The following WWP2 variants were observed in gnomAD, a reference collection of about 807,000 sequenced individuals.
WWP2 encodes the protein NEDD4-like E3 ubiquitin-protein ligase WWP2.
Under a neutral mutation model 121.0 loss-of-function variants are expected in WWP2, and 57 were observed. That is an observed-to-expected ratio of 0.47 (90% CI 0.38 to 0.59). WWP2 has a LOEUF of 0.59. Ranked by LOEUF, WWP2 falls within the 20% of genes least tolerant of loss-of-function variation. WWP2 has a pLI of 0.00. For missense variants in WWP2, 962 were observed against 1,158.9 expected, an observed-to-expected ratio of 0.83 and a Z score of 2.47; for synonymous variants, 449 against 441.3, an observed-to-expected ratio of 1.02 and a Z score of -0.22.
At chr16:69,768,619 T>A (rs2055350334) in intron 1 of WWP2, among the ~76,000 whole-genome samples, 1 of 152,030 alleles carries the variant, frequency 6.6e-6, no homozygotes. Flanking sequence ...TCAAAAATAA[T>A]TAAATAAATA....
chr16:69,785,483 T>C (rs1247599157), intron 1 of WWP2, among the ~76,000 whole-genome samples: 1 of 152,162 alleles, frequency 6.6e-6, no homozygotes, highest in Admixed American at 6.5e-5. Context: ...TCTGCAGAAC[T>C]CAATGAACCA....
At chr16:69,827,840 C>G (rs1452490216) in intron 4 of WWP2, 2 of 453,622 alleles carry the variant, frequency 4.4e-6, no homozygotes, top group Non-Finnish European at 8.8e-6. Flanking sequence ...ATGATGTGAA[C>G]TGATAATTTA....
intron 1 of WWP2, among the ~76,000 whole-genome samples, chr16:69,777,049 G>A (rs1272745744): frequency 3.3e-5 from 5 of 150,742 alleles, no homozygotes; most frequent in South Asian, 4.2e-4. Context: ...GTGTGTGTGT[G>A]TATATATATG....
At chr16:69,788,088 TGTGG>T (rs2055830006) in intron 2 of WWP2, 1 of 152,136 alleles carries the variant, frequency 6.6e-6, no homozygotes, top group African/African-American at 2.4e-5. Context: ...TGGGGCCAGG[TGTGG>T]TGACTCATGC....
intron 8 of WWP2, among the ~76,000 whole-genome samples, chr16:69,901,589 A>G (rs747037650): frequency 4.6e-5 from 7 of 151,978 alleles, no homozygotes; most frequent in Non-Finnish European, 7.4e-5. Flanking sequence ...ATTTTTTTGT[A>G]TTTTGAGTAG....
In WWP2 at chr16:69,931,504, T is replaced by C. The variant is rs1199812686; in HGVS notation, c.1522-5T>C. On this transcript the variant is annotated splice_polypyrimidine_tract_variant and splice_region_variant and intron_variant, in intron 14 of 23. Coordinates refer to ENST00000359154, the MANE Select transcript of WWP2 (RefSeq NM_001270454.2). ...TTTAAAGTTCTTTTCTTTTTTTTTT[T>C]TCAGTCAAATGCCCTACCTAGCCAC... 6.2e-7 allele frequency: 1 copy of C among 1,613,384 alleles called. No homozygotes were observed. Among genetic ancestry groups the C allele is most frequent in the South Asian group, 1.1e-5 (1 of 90,956 alleles).
intron 10 of WWP2, chr16:69,924,996 C>T: frequency 1.0e-6 from 1 of 991,102 alleles, no homozygotes; most frequent in African/African-American, 1.7e-5. Flanking sequence ...TTTTCCCCTC[C>T]TGCGTGTGGT....
At chr16:69,917,035 A>G (rs996701106) in intron 9 of WWP2, among the ~76,000 whole-genome samples, 10 of 152,244 alleles carry the variant, frequency 6.6e-5, no homozygotes, top group Non-Finnish European at 1.3e-4. Flanking sequence ...GTCTCAAAAC[A>G]AAACAAAACC....
intron 10 of WWP2, among the ~76,000 whole-genome samples, chr16:69,923,903 C>G (rs2058600324): frequency 6.6e-6 from 1 of 152,094 alleles, no homozygotes; most frequent in African/African-American, 2.4e-5. Context: ...CCTATCTCCC[C>G]CAACCCCCCA....
At chr16:69,807,264 A>ACCTG (rs1797232594) in intron 4 of WWP2, among the ~76,000 whole-genome samples, 1 of 151,926 alleles carries the variant, frequency 6.6e-6, no homozygotes, top group Non-Finnish European at 1.5e-5. Context: ...TGAACTCCTG[A>ACCTG]CCTCAGGTGA....
At chr16:69,881,732 C>A (rs1438683437) in intron 7 of WWP2, among the ~76,000 whole-genome samples, 1 of 152,228 alleles carries the variant, frequency 6.6e-6, no homozygotes. Context: ...CACTCTGTCA[C>A]CCAGGCTGGA....
At chr16:69,883,620 A>G (rs1021270188) in intron 7 of WWP2, among the ~76,000 whole-genome samples, 3 of 152,212 alleles carry the variant, frequency 2.0e-5, no homozygotes, top group Admixed American at 2.0e-4. Flanking sequence ...CAGGTTTGTT[A>G]CATCGGTTAA....
chr16:69,939,015 G>A lies in WWP2; in HGVS notation c.2344-12G>A. On this transcript the variant is annotated splice_polypyrimidine_tract_variant and intron_variant, in intron 21 of 23. Transcript: ENST00000359154. ...GGGTTGCCTGACTGTGCCTTGACTT[G>A]CGGACTTCCAGGTGGTGAAGGAGAT... 1 of 1,593,430 alleles carries A rather than the reference G, an allele frequency of 6.3e-7. No homozygotes were observed. Among genetic ancestry groups the A allele is most frequent in the Admixed American group, 1.7e-5 (1 of 57,238 alleles).
chr16:69,765,986 T>G (rs1406042704), intron 1 of WWP2, among the ~76,000 whole-genome samples: 1 of 152,098 alleles, frequency 6.6e-6, no homozygotes, highest in Admixed American at 6.5e-5. Flanking sequence ...CTAAATACTA[T>G]CCACATGCTA....
At chr16:69,820,011 G>A (rs182242919) in intron 4 of WWP2, among the ~76,000 whole-genome samples, 15 of 152,240 alleles carry the variant, frequency 9.9e-5, no homozygotes, top group African/African-American at 2.9e-4. Context: ...AGGCTGAGGC[G>A]GGGGCAGGGG....
At chr16:69,847,432 G>A (rs972731203) in intron 6 of WWP2, among the ~76,000 whole-genome samples, 14 of 142,636 alleles carry the variant, frequency 9.8e-5, no homozygotes, top group Non-Finnish European at 2.0e-4. Context: ...TTTTTGAGAT[G>A]GAGTTTCACT....
At chr16:69,865,895 T>C (rs541378793) in intron 6 of WWP2, among the ~76,000 whole-genome samples, 1 of 152,310 alleles carries the variant, frequency 6.6e-6, no homozygotes, top group South Asian at 2.1e-4. Context: ...GGTCAGTTGC[T>C]GTGTGGAAAC....
Position 69,925,232 on chromosome 16 carries a change from T to C in WWP2, c.1180-198T>C, listed in dbSNP as rs543223222. 142 of 1,441,152 alleles carry C rather than the reference T, an allele frequency of 9.9e-5. No homozygotes were observed. In the East Asian group the frequency reaches 3.2e-3, roughly 33 times the overall value. The allele number at this position is 1,441,152 out of a possible 1,614,324, so 89.3% of individuals were successfully genotyped here. On this transcript the variant is annotated intron_variant, in intron 10 of 23. Transcript: ENST00000359154. This position sits in a 1 kb window ranked among gnomAD's most constrained non-coding sequence, Gnocchi z 4.0. ...GCCCTCCGTGCGCAGGGTTCTTTTT[T>C]GGTTTTTCTGTAAAAATCAAAACAA...
intron 4 of WWP2, among the ~76,000 whole-genome samples, chr16:69,823,220 T>C (rs2056625209): frequency 6.6e-6 from 1 of 152,214 alleles, no homozygotes; most frequent in African/African-American, 2.4e-5. Flanking sequence ...TATTTTAACA[T>C]GTAATCAGTA....
Sources: gnomAD v4.1 joint callset for allele counts (sites outside exome capture counted in the v4.1 genomes callset) on GRCh38, gnomAD v4.1.1 for gene constraint, Gnocchi (gnomAD v3.1) non-coding constraint, MANE v1.5 for transcripts, NCBI Gene and HGNC (gene_info 2026-07-23, HGNC 2026-07-21) for gene names.